The following ROBO1 variants were observed in gnomAD, a reference collection of about 807,000 sequenced individuals.
The protein encoded by ROBO1 is roundabout homolog 1.
ROBO1 carries 149 observed loss-of-function variants against 195.9 expected under a neutral mutation model. That is an observed-to-expected ratio of 0.76 (90% confidence interval 0.67 to 0.87). ROBO1 has a LOEUF of 0.87. ROBO1 is among the 40% of genes least tolerant of loss of function. The pLI, the probability that ROBO1 is intolerant of heterozygous loss-of-function variation, is 0.00. For missense variants in ROBO1, 1,933 were observed against 2,068.3 expected (o/e 0.93, Z 1.27); for synonymous variants, 816 against 733.2 (o/e 1.11, Z -1.82).
intron 8 of ROBO1, among the ~76,000 whole-genome samples, chr3:78,702,760 G>T (rs2081449215): frequency 6.6e-6 from 1 of 152,110 alleles, no homozygotes; most frequent in Non-Finnish European, 1.5e-5. Flanking sequence ...ATATAATTGG[G>T]CAGTGAGAAA....
chr3:79,233,822 C>G (rs1350436983), intron 2 of ROBO1, among the ~76,000 whole-genome samples: 1 of 152,096 alleles, frequency 6.6e-6, no homozygotes, highest in African/African-American at 2.4e-5. Flanking sequence ...ATATATGTTC[C>G]CTTTTCTCTG....
At chr3:78,977,355 C>T (rs1304545982) in intron 3 of ROBO1, among the ~76,000 whole-genome samples, 2 of 152,040 alleles carry the variant, frequency 1.3e-5, no homozygotes, top group African/African-American at 4.8e-5. Flanking sequence ...CCTTTTTACT[C>T]TCTTCTTCAA....
chr3:79,372,332 G>A (rs58091608), intron 2 of ROBO1, among the ~76,000 whole-genome samples: 2,720 of 151,640 alleles, frequency 0.018, 70 homozygotes, highest in African/African-American at 0.061. Context: ...TCAGCCTCCC[G>A]AGTAGCTGGG....
At chr3:79,678,171 G>T (rs1484000535) in intron 1 of ROBO1, among the ~76,000 whole-genome samples, 1 of 151,890 alleles carries the variant, frequency 6.6e-6, no homozygotes, top group African/African-American at 2.4e-5. Context: ...AAGAATGGAT[G>T]GGTAACTTTT....
intron 8 of ROBO1, among the ~76,000 whole-genome samples, chr3:78,708,472 C>T: frequency 6.6e-6 from 1 of 151,952 alleles, no homozygotes. Flanking sequence ...AAAGCATTTG[C>T]TTTTCTTTTT....
chr3:79,402,558 T>A (rs1040403436), intron 2 of ROBO1, among the ~76,000 whole-genome samples: 1 of 151,950 alleles, frequency 6.6e-6, no homozygotes, highest in Non-Finnish European at 1.5e-5. Flanking sequence ...TTTGAACACA[T>A]GTGCTCACTC....
At chr3:79,625,975 C>G (rs574397003) in intron 1 of ROBO1, among the ~76,000 whole-genome samples, 1 of 152,090 alleles carries the variant, frequency 6.6e-6, no homozygotes, top group Non-Finnish European at 1.5e-5. Context: ...ACTGGCCAAC[C>G]GAATCCAGCA....
chr3:78,675,619 G>A (rs540024250), intron 10 of ROBO1, among the ~76,000 whole-genome samples: 3 of 152,164 alleles, frequency 2.0e-5, no homozygotes, highest in Non-Finnish European at 4.4e-5. Context: ...TGGGGGAGGG[G>A]GGCCTGCCAT....
intron 2 of ROBO1, among the ~76,000 whole-genome samples, chr3:79,444,974 G>A (rs2039189749): frequency 6.6e-6 from 1 of 151,876 alleles, no homozygotes; most frequent in Admixed American, 6.6e-5. Context: ...TAAGATGGCA[G>A]GGATGAATGA....
At chr3:78,638,305 A>C (rs1335598416) in intron 22 of ROBO1, among the ~76,000 whole-genome samples, 1 of 149,492 alleles carries the variant, frequency 6.7e-6, no homozygotes, top group Admixed American at 6.7e-5. Flanking sequence ...ATATACATAC[A>C]TATATGTGTG....
intron 28 of ROBO1, 151 bp from the exon 29 acceptor site, chr3:78,607,192 C>T (rs1303654223): frequency 7.2e-6 from 5 of 697,010 alleles, no homozygotes; most frequent in African/African-American, 1.8e-5. Flanking sequence ...AAAATACCCA[C>T]AATTTTTTAA....
chr3:79,659,700 G>A (rs935528043), intron 1 of ROBO1, among the ~76,000 whole-genome samples: 20 of 152,020 alleles, frequency 1.3e-4, no homozygotes, highest in African/African-American at 4.6e-4. Flanking sequence ...AGAAGATAAT[G>A]TCATGCGAAT....
At position 79,746,029 on chromosome 3, in the gene ROBO1, A is replaced by T. The variant is rs11916153; in HGVS notation, c.-51+21723T>A. Reference sequence around the variant, plus strand: ...ATACGAGAATGTGCTTTGAAACTTTATAACAAAGTGTAAAAGGGAAAGTGA... The same window carrying T: ...ATACGAGAATGTGCTTTGAAACTTTTTAACAAAGTGTAAAAGGGAAAGTGA... On this transcript the variant is annotated intron_variant, in intron 1 of 30. Transcript: ENST00000464233. Among the ~76,000 whole-genome samples, 810 of 152,282 alleles carry T rather than the reference A, an allele frequency of 5.3e-3. 4 individuals carry two copies. The highest frequency in any genetic ancestry group is 0.019 in the African/African-American group (776 of 41,592).
intron 3 of ROBO1, among the ~76,000 whole-genome samples, chr3:79,060,342 C>T (rs773410841): frequency 1.3e-5 from 2 of 151,936 alleles, no homozygotes; most frequent in Admixed American, 6.6e-5. Flanking sequence ...TATTTTATTG[C>T]CTTTGAAGCA....
intron 25 of ROBO1, among the ~76,000 whole-genome samples, chr3:78,628,970 T>A (rs986744094): frequency 6.6e-6 from 1 of 152,236 alleles, no homozygotes; most frequent in Non-Finnish European, 1.5e-5. Flanking sequence ...CATCACATGC[T>A]GGCTATTCAT....
intron 2 of ROBO1, among the ~76,000 whole-genome samples, chr3:79,452,411 C>T (rs900852561): frequency 2.0e-5 from 3 of 152,054 alleles, no homozygotes; most frequent in African/African-American, 7.2e-5. Context: ...TGTGCCATGT[C>T]TCCATATTGC....
At chr3:79,510,316 C>T (rs1203868342) in intron 2 of ROBO1, among the ~76,000 whole-genome samples, 2 of 152,168 alleles carry the variant, frequency 1.3e-5, no homozygotes, top group African/African-American at 4.8e-5. Context: ...CTTTACTCGG[C>T]ACCCATTCTC....
At chr3:79,009,083 G>T (rs970745917) in intron 3 of ROBO1, among the ~76,000 whole-genome samples, 1 of 150,192 alleles carries the variant, frequency 6.7e-6, no homozygotes, top group Non-Finnish European at 1.5e-5. Context: ...TGAGATTACA[G>T]GTGCCCACCA....
intron 4 of ROBO1, among the ~76,000 whole-genome samples, chr3:78,868,678 C>A (rs2035334242): frequency 6.6e-6 from 1 of 151,992 alleles, no homozygotes; most frequent in Non-Finnish European, 1.5e-5. Flanking sequence ...GAAAATTGAG[C>A]CTTATATAAC....
Sources: gnomAD v4.1 joint callset for allele counts (sites outside exome capture counted in the v4.1 genomes callset) on GRCh38, gnomAD v4.1.1 for gene constraint, MANE v1.5 for transcripts, NCBI Gene and HGNC (gene_info 2026-07-23, HGNC 2026-07-21) for gene names.